CLTCL1: variants seen among roughly 807,000 people sequenced by gnomAD.
CLTCL1 encodes the protein clathrin heavy chain like 1.
A neutral mutation model predicts 190.0 loss-of-function variants in CLTCL1; 159 were observed. The ratio of observed to expected loss-of-function variants is 0.84; its 90% CI spans 0.74 to 0.95. The LOEUF (loss-of-function observed/expected upper bound fraction) is 0.95. Ranked by LOEUF, CLTCL1 falls within the 40% of genes least tolerant of loss-of-function variation. The probability of loss-of-function intolerance (pLI) is 0.00; values close to 1 mark genes in which losing one functional copy is unlikely to be tolerated. For missense variants in CLTCL1, 1,878 were observed against 2,033.4 expected, an observed-to-expected ratio of 0.92 and a Z score of 1.47; for synonymous variants, 752 against 769.6, an observed-to-expected ratio of 0.98 and a Z score of 0.38.
chr22:19,226,282 C>T lies in CLTCL1; in HGVS notation c.1884G>A (p.Glu628=). The T allele has an allele frequency of 6.2e-7, 1 of 1,614,034 alleles. No homozygotes were observed. The highest frequency in any genetic ancestry group is 1.6e-4 in the Middle Eastern group (1 of 6,062). ...EKAGLLQQAL[E]HYTDLYDIKR... ...TGATGTCATAGAGGTCGGTGTAGTG[C>T]TCCAGTGCTTGCTGCAGGAGGCCTG... Residue 628 remains glutamate (E), a synonymous_variant, in exon 12 of 33, where the codon GAG becomes GAA. Coordinates refer to ENST00000427926, the MANE Select transcript of CLTCL1 (RefSeq NM_007098.4).
chr22:19,191,426 C>A lies in CLTCL1; in HGVS notation c.4201G>T (p.Val1401Phe). ...TGCAGGGCTCTGTAACAGAGCTCGA[C>A]GTTGGCAACCTGTGGTGAGCAAAGC... Reference protein sequence around the residue: ...FKDIITKVANVELCYRALQFY... With the variant: ...FKDIITKVANFELCYRALQFY... Residue 1401 changes from valine to phenylalanine, a missense_variant, in exon 27 of 33, where the codon GTC becomes TTC. Coordinates refer to ENST00000427926, the MANE Select transcript of CLTCL1 (RefSeq NM_007098.4). The A allele has an allele frequency of 6.2e-7, 1 of 1,613,508 alleles. No homozygotes were observed. The highest frequency in any genetic ancestry group is 8.5e-7 in the Non-Finnish European group (1 of 1,179,880).
chr22:19,184,493 T>C (rs1018764), intron 29 of CLTCL1: 333,456 of 455,846 alleles, frequency 0.73, 125,002 homozygotes, highest in East Asian at 0.94. Context: ...TCTCCCCCGC[T>C]GGCATGCTGC....
Position 19,187,638 on chromosome 22 carries a change from A to C in CLTCL1, c.4525T>G (p.Cys1509Gly). The part of the protein sequence containing the change: ...LEKHQLMEFR[C>G]IAAYLYKGNN... ...CCCTTGTACAGATAGGCCGCAATGC[A>C]CCTGAACTCCATCAGCTGATGCTTC... The change falls in exon 29 of 33, where the codon TGC (cysteine) becomes GGC (glycine). Residue 1509 changes from cysteine to glycine, a missense_variant. Transcript: ENST00000427926. 6.2e-7 allele frequency: 1 copy of C among 1,613,702 alleles called. No individual in the cohort carries two copies. Among genetic ancestry groups the C allele is most frequent in the African/African-American group, 1.3e-5 (1 of 75,028 alleles).
rs576979040 is a variant in CLTCL1 at position 19,242,011 on chromosome 22, C to T, written c.681+764G>A. Among the ~76,000 whole-genome samples the T allele has an allele frequency of 4.7e-5, 7 of 150,118 alleles. No homozygotes were observed. The South Asian group carries it at 1.3e-3, about 27-fold the overall frequency. ...AGGCTGGAGTGCAGTGGCGCGATCT[C>T]GGCTCACTGCAACCTCTGCCTCCTA... On this transcript the variant is annotated intron_variant, in intron 4 of 32. Transcript: ENST00000427926.
At chr22:19,258,070 T>C in intron 2 of CLTCL1, 1 of 447,168 alleles carries the variant, frequency 2.2e-6, no homozygotes, top group Non-Finnish European at 4.4e-6. Context: ...GCGACATCCA[T>C]GGGCTCTGCA....
intron 2 of CLTCL1, among the ~76,000 whole-genome samples, chr22:19,271,924 T>C (rs1398553605): frequency 6.6e-6 from 1 of 152,096 alleles, no homozygotes; most frequent in African/African-American, 2.4e-5. Flanking sequence ...CTGGGCAACA[T>C]AGTCAGATAC....
chr22:19,213,567 C>T (rs1376686179), intron 19 of CLTCL1, among the ~76,000 whole-genome samples: 3 of 152,120 alleles, frequency 2.0e-5, no homozygotes, highest in East Asian at 3.8e-4. Flanking sequence ...GTGGTACATT[C>T]GTACAACAGA....
intron 1 of CLTCL1, among the ~76,000 whole-genome samples, chr22:19,281,750 C>T (rs1311591292): frequency 6.6e-6 from 1 of 152,130 alleles, no homozygotes; most frequent in Admixed American, 6.5e-5. Context: ...AATACGGTGA[C>T]ATTCTGATTT....
In CLTCL1 at chr22:19,179,937, G is replaced by A; in HGVS notation, c.*53C>T. ...TTGGGAGCAGAGGCATATCCATAGG[G>A]GAAGCTGGCAGGGGCTGGGCCCACG... On this transcript the variant is annotated 3_prime_UTR_variant, in exon 33 of 33. Transcript: ENST00000427926. The A allele has an allele frequency of 1.9e-6, 1 of 534,456 alleles. No individual in the cohort carries two copies. The highest frequency in any genetic ancestry group is 3.4e-6 in the Non-Finnish European group (1 of 298,050). 33.1% of individuals were successfully genotyped at this position (534,456 alleles called of 1,614,324 possible).
chr22:19,237,790 T>C (rs1308797126), intron 5 of CLTCL1, among the ~76,000 whole-genome samples: 2 of 152,210 alleles, frequency 1.3e-5, no homozygotes, highest in Non-Finnish European at 2.9e-5. Flanking sequence ...GCCATTTTCA[T>C]AAGAGTCCAT....
intron 17 of CLTCL1, among the ~76,000 whole-genome samples, chr22:19,220,900 C>A (rs2085547570): frequency 6.6e-6 from 1 of 152,144 alleles, no homozygotes; most frequent in Non-Finnish European, 1.5e-5. Context: ...GAGAGGCCAG[C>A]AAGAGCTCAT....
chr22:19,191,546 C>A (rs2084505954), intron 26 of CLTCL1, 111 bp from the exon 27 acceptor site: 3 of 1,333,098 alleles, frequency 2.3e-6, no homozygotes, highest in African/African-American at 2.9e-5. Context: ...GCCATGACTA[C>A]CCCCTATAAG....
chr22:19,270,721 C>T (rs1458314745), intron 2 of CLTCL1, among the ~76,000 whole-genome samples: 3 of 61,906 alleles, frequency 4.8e-5, no homozygotes, highest in African/African-American at 2.0e-4. Flanking sequence ...AGCGAGACTC[C>T]AACTCAAAAA....
intron 19 of CLTCL1, among the ~76,000 whole-genome samples, chr22:19,213,316 A>C (rs2085290678): frequency 6.6e-6 from 1 of 152,236 alleles, no homozygotes; most frequent in Middle Eastern, 3.2e-3. Flanking sequence ...AAAAAATACC[A>C]ATATACCAAG....
chr22:19,208,046 G>C, intron 22 of CLTCL1, 108 bp downstream of exon 22: 1 of 1,361,150 alleles, frequency 7.3e-7, no homozygotes, highest in African/African-American at 1.4e-5. Flanking sequence ...AACTGTCTTC[G>C]ATGAAACCAG....
chr22:19,288,062 C>A (rs1292102960), intron 1 of CLTCL1, among the ~76,000 whole-genome samples: 1 of 152,152 alleles, frequency 6.6e-6, no homozygotes, highest in Non-Finnish European at 1.5e-5. Flanking sequence ...CACCAGCCCA[C>A]CCAGGACGTG....
At chr22:19,206,863 C>T (rs1157038149) in intron 22 of CLTCL1, among the ~76,000 whole-genome samples, 1 of 152,148 alleles carries the variant, frequency 6.6e-6, no homozygotes, top group Non-Finnish European at 1.5e-5. Context: ...CCAAGGGTAA[C>T]ATCTTATCTA....
intron 3 of CLTCL1, among the ~76,000 whole-genome samples, chr22:19,251,601 C>T (rs1027378671): frequency 3.3e-5 from 5 of 152,184 alleles, no homozygotes; most frequent in Non-Finnish European, 5.9e-5. Flanking sequence ...GGACTACAGG[C>T]GCCCGCCACC....
chr22:19,283,535 C>T (rs1465770637), intron 1 of CLTCL1, among the ~76,000 whole-genome samples: 10 of 152,098 alleles, frequency 6.6e-5, no homozygotes, highest in African/African-American at 2.4e-4. Context: ...CTTTCCTCGG[C>T]CTCCCAAAGT....
Sources: gnomAD v4.1 joint callset for allele counts (sites outside exome capture counted in the v4.1 genomes callset) on GRCh38, gnomAD v4.1.1 for gene constraint, MANE v1.5 for transcripts, NCBI Gene and HGNC (gene_info 2026-07-23, HGNC 2026-07-21) for gene names.